Variants in STX18 observed in about 807,000 individuals in gnomAD.
STX18 encodes syntaxin 18.
STX18 carries 40 observed loss-of-function variants against 50.1 expected under a neutral mutation model. The ratio of observed to expected loss-of-function variants is 0.80; its 90% CI spans 0.62 to 1.04. STX18 has a LOEUF of 1.04. Among genes scored for constraint, STX18 ranks in the 50% least tolerant of loss-of-function variants. The pLI, the probability that STX18 is intolerant of heterozygous loss-of-function variation, is 0.00. For missense variants in STX18, 410 were observed against 415.8 expected, an observed-to-expected ratio of 0.99 and a Z score of 0.12; for synonymous variants, 158 against 151.8, an observed-to-expected ratio of 1.04 and a Z score of -0.30.
intron 2 of STX18, 60 bp from the exon 3 acceptor site, chr4:4,459,547 G>A: frequency 7.9e-7 from 1 of 1,267,134 alleles, no homozygotes; most frequent in East Asian, 2.3e-5. Flanking sequence ...TAGTCTGAGT[G>A]GGATGGGAAG....
chr4:4,527,797 T>C (rs1730848695), intron 1 of STX18, among the ~76,000 whole-genome samples: 1 of 147,450 alleles, frequency 6.8e-6, no homozygotes, highest in African/African-American at 2.5e-5. Context: ...ATTTTATATA[T>C]ATATATGTTT....
chr4:4,496,235 A>C (rs188149441), intron 1 of STX18, among the ~76,000 whole-genome samples: 1 of 152,106 alleles, frequency 6.6e-6, no homozygotes, highest in Non-Finnish European at 1.5e-5. Flanking sequence ...GCCAGTGGTA[A>C]GGTAACAGAG....
At chr4:4,421,009 TCCAA>T in intron 9 of STX18, 65 bp from the exon 10 acceptor site, 6 of 1,493,468 alleles carry the variant, frequency 4.0e-6, no homozygotes, top group African/African-American at 1.4e-5. Context: ...CCCAAAATGC[TCCAA>T]CGAGCATTTC....
intron 5 of STX18, among the ~76,000 whole-genome samples, chr4:4,455,984 T>C (rs1368653845): frequency 2.0e-5 from 3 of 151,980 alleles, no homozygotes; most frequent in Non-Finnish European, 1.5e-5. Flanking sequence ...CCTGACACAG[T>C]AAGAATTTAA....
At chr4:4,428,897 G>C (rs1371229415) in intron 7 of STX18, among the ~76,000 whole-genome samples, 1 of 152,208 alleles carries the variant, frequency 6.6e-6, no homozygotes, top group Non-Finnish European at 1.5e-5. Flanking sequence ...AGGAAGGTGA[G>C]AGGCCTAGAT....
At chr4:4,439,860 C>T (rs535782940) in intron 5 of STX18, among the ~76,000 whole-genome samples, 3 of 152,118 alleles carry the variant, frequency 2.0e-5, no homozygotes, top group Non-Finnish European at 4.4e-5. Flanking sequence ...CTCAGAGAGG[C>T]CACCTCTGAC....
rs1307049408 is a variant in STX18 at position 4,419,410 on chromosome 4, A to C, written c.*624T>G. ...CAGTCTCCCCTGCATTTCTTCCCTG[A>C]TTGATTGATAGGAGGTGGCTGGGCT... On this transcript the variant is annotated 3_prime_UTR_variant, in exon 11 of 11. Transcript: ENST00000306200. 1 of 152,200 alleles carries C rather than the reference A, an allele frequency of 6.6e-6. No homozygotes were observed. Among genetic ancestry groups the C allele is most frequent in the Non-Finnish European group, 1.5e-5 (1 of 68,060 alleles). The allele number at this position is 152,200 out of a possible 1,614,324, so 9.4% of individuals were successfully genotyped here.
chr4:4,457,170 A>G, intron 5 of STX18, 21 bp downstream of exon 5: 2 of 1,603,028 alleles, frequency 1.2e-6, no homozygotes, highest in Middle Eastern at 1.7e-4. Context: ...ATTAAGAAAC[A>G]CCAATGAAAG....
chr4:4,454,321 G>A (rs547354907), intron 5 of STX18, among the ~76,000 whole-genome samples: 1 of 152,322 alleles, frequency 6.6e-6, no homozygotes, highest in South Asian at 2.1e-4. Flanking sequence ...CAGGAGACAA[G>A]GCTATACTTC....
In STX18 at chr4:4,420,762, G is replaced by A; in HGVS notation, c.912+102C>T. Reference sequence around the variant, plus strand: ...TTTTGTGATCAGCCCCGTGAGCTCTGCCCAGCAAGGCTCCTGGGCAGCTGT... The same window carrying A: ...TTTTGTGATCAGCCCCGTGAGCTCTACCCAGCAAGGCTCCTGGGCAGCTGT... On this transcript the variant is annotated intron_variant, in intron 10 of 10. Transcript: ENST00000306200. The surrounding 1 kb of genome is among the most constrained non-coding windows in gnomAD (Gnocchi z 4.3). 1 of 1,091,638 alleles carries A rather than the reference G, an allele frequency of 9.2e-7. No homozygotes were observed. Among genetic ancestry groups the A allele is most frequent in the Admixed American group, 1.8e-5 (1 of 56,890 alleles). The allele number at this position is 1,091,638 out of a possible 1,614,324, so 67.6% of individuals were successfully genotyped here.
At chr4:4,489,252 G>A (rs1036552420) in intron 1 of STX18, among the ~76,000 whole-genome samples, 1 of 151,978 alleles carries the variant, frequency 6.6e-6, no homozygotes, top group Admixed American at 6.6e-5. Flanking sequence ...AAAGTCCAGG[G>A]TCTTGCTTCA....
intron 1 of STX18, among the ~76,000 whole-genome samples, chr4:4,497,813 C>A (rs550921686): frequency 1.3e-5 from 2 of 152,282 alleles, no homozygotes; most frequent in African/African-American, 4.8e-5. Context: ...CTCAGGATCA[C>A]CTTGTCCTAT....
At chr4:4,445,167 C>T (rs13107153) in intron 5 of STX18, among the ~76,000 whole-genome samples, 5,114 of 152,170 alleles carry the variant, frequency 0.034, 108 homozygotes, top group Non-Finnish European at 0.05. Flanking sequence ...TTTAGGAGGC[C>T]GAGGCAGGTG....
intron 7 of STX18, among the ~76,000 whole-genome samples, chr4:4,430,896 G>GT (rs1377585571): frequency 1.3e-5 from 2 of 152,168 alleles, no homozygotes; most frequent in African/African-American, 2.4e-5. Flanking sequence ...TACAAAGATA[G>GT]TAAGTGGTAT....
At chr4:4,488,186 T>C (rs28754666) in intron 1 of STX18, among the ~76,000 whole-genome samples, 54 of 152,148 alleles carry the variant, frequency 3.5e-4, no homozygotes, top group African/African-American at 1.2e-3. Context: ...ATTAGCAGCA[T>C]AGTATAAAGT....
At chr4:4,528,647 T>C (rs958872408) in intron 1 of STX18, among the ~76,000 whole-genome samples, 2 of 152,248 alleles carry the variant, frequency 1.3e-5, no homozygotes, top group African/African-American at 4.8e-5. Flanking sequence ...ACAGGTTGTG[T>C]GGCTAAACTG....
At chr4:4,503,278 C>G (rs1469659515) in intron 1 of STX18, among the ~76,000 whole-genome samples, 1 of 152,096 alleles carries the variant, frequency 6.6e-6, no homozygotes, top group Non-Finnish European at 1.5e-5. Context: ...TGATATTAAA[C>G]CTTGTCAGAT....
In STX18 at chr4:4,420,235, C is replaced by T. The variant is rs1724859308; in HGVS notation, c.913-106G>A. On this transcript the variant is annotated intron_variant, in intron 10 of 10. Transcript: ENST00000306200. The surrounding 1 kb of genome is among the most constrained non-coding windows in gnomAD (Gnocchi z 4.3). ...CGTGCTCTCCTGATCCTGGCTGTAA[C>T]TATGGGTGTCGTTCCATCTGTGCTT... 1 of 837,094 alleles carries T rather than the reference C, an allele frequency of 1.2e-6. No homozygotes were observed. Among genetic ancestry groups the T allele is most frequent in the South Asian group, 1.6e-5 (1 of 63,546 alleles). The allele number at this position is 837,094 out of a possible 1,614,324, so 51.9% of individuals were successfully genotyped here.
At chr4:4,478,266 C>T (rs1728293503) in intron 1 of STX18, among the ~76,000 whole-genome samples, 1 of 149,406 alleles carries the variant, frequency 6.7e-6, no homozygotes, top group South Asian at 2.1e-4. Context: ...TGACATTTGT[C>T]TCCTCTGAAG....
Sources: allele counts gnomAD v4.1 joint callset (sites outside exome capture counted in the v4.1 genomes callset), GRCh38; gene constraint gnomAD v4.1.1; non-coding constraint Gnocchi (gnomAD v3.1); transcripts MANE v1.5; gene names NCBI Gene and HGNC (gene_info 2026-07-23, HGNC 2026-07-21).